The following FXR1 variants were observed in gnomAD, a reference collection of about 807,000 sequenced individuals.
FXR1 encodes RNA-binding protein FXR1.
FXR1 carries 15 observed loss-of-function variants against 84.0 expected under a neutral mutation model. The ratio of observed to expected loss-of-function variants is 0.18; its 90% CI spans 0.12 to 0.27. The LOEUF (loss-of-function observed/expected upper bound fraction) is 0.27. Ranked by LOEUF, FXR1 falls within the 10% of genes least tolerant of loss-of-function variation. The pLI is 1.00. For missense variants in FXR1, 480 were observed against 774.4 expected (o/e 0.62, Z 4.51); for synonymous variants, 245 against 250.7 (o/e 0.98, Z 0.21).
At chr3:180,949,397 G>T in intron 7 of FXR1, 54 bp downstream of exon 7, 1 of 886,116 alleles carries the variant, frequency 1.1e-6, no homozygotes, top group Non-Finnish European at 1.9e-6. Context: ...GTTTTTGTTT[G>T]TTTTTTGGAG....
intron 8 of FXR1, among the ~76,000 whole-genome samples, chr3:180,952,913 G>T (rs968714520): frequency 5.4e-5 from 8 of 148,996 alleles, no homozygotes; most frequent in Non-Finnish European, 1.2e-4. Flanking sequence ...GCTCACTGCA[G>T]CCTCCAACCC....
chr3:180,914,710 C>T (rs1717671880), intron 1 of FXR1: 2 of 798,188 alleles, frequency 2.5e-6, no homozygotes, highest in African/African-American at 1.9e-5. Flanking sequence ...TATAATTGAT[C>T]TCTATACATA....
At chr3:180,933,153 T>G in intron 1 of FXR1, 181 bp from the exon 2 acceptor site, 1 of 552,452 alleles carries the variant, frequency 1.8e-6, no homozygotes, top group Non-Finnish European at 3.2e-6. Context: ...TTCAGAGAGG[T>G]TAAGTAACTT....
At position 180,948,441 on chromosome 3, in the gene FXR1, A is replaced by G. The variant is rs1314980548; in HGVS notation, c.365A>G (p.Lys122Arg). 1 of 1,610,440 alleles carries G rather than the reference A, an allele frequency of 6.2e-7. No individual in the cohort carries two copies. Among genetic ancestry groups the G allele is most frequent in the South Asian group, 1.1e-5 (1 of 90,982 alleles). ...CCTGTCAATCAAAATAAAACTGTCA[A>G]AAAAAATACCTTCTTTAAATGCACA... ...LRPVNQNKTVKKNTFFKCTVD... is the reference protein window; with the variant it reads ...LRPVNQNKTVRKNTFFKCTVD... The change falls in exon 5 of 17, where the codon AAA becomes AGA. Residue 122 changes from lysine (K) to arginine (R), a missense_variant. Physicochemically the swap from Lys to Arg is conservative, Grantham distance 26. This residue lies in a region of FXR1 where 136 missense variants were observed against 315.4 expected (regional missense o/e 0.43). Transcript: ENST00000357559.
intron 5 of FXR1, 100 bp from the exon 6 acceptor site, chr3:180,948,621 T>C: frequency 1.0e-6 from 1 of 957,558 alleles, no homozygotes; most frequent in South Asian, 1.5e-5. Flanking sequence ...ACAAAGGTTT[T>C]AGTGGGGCTT....
chr3:180,966,829 A>C (rs950845751), intron 13 of FXR1, among the ~76,000 whole-genome samples: 2 of 152,194 alleles, frequency 1.3e-5, no homozygotes, highest in Non-Finnish European at 2.9e-5. Context: ...ATTTGGTCAT[A>C]TAAGAGGGAA....
chr3:180,960,665 ATGCTGCCCAGGC>A, intron 10 of FXR1, among the ~76,000 whole-genome samples: 1 of 152,084 alleles, frequency 6.6e-6, no homozygotes, highest in Non-Finnish European at 1.5e-5. Flanking sequence ...GGCTTTCTCC[ATGCTGCCCAGGC>A]TGGTCTCGAA....
chr3:180,954,769 C>T (rs965577863), intron 9 of FXR1, among the ~76,000 whole-genome samples: 8 of 151,644 alleles, frequency 5.3e-5, no homozygotes, highest in African/African-American at 1.9e-4. Context: ...TATAATGCGG[C>T]CTGTTCTGCC....
intron 10 of FXR1, among the ~76,000 whole-genome samples, chr3:180,958,532 CTCCA>C (rs754946685): frequency 2.0e-5 from 3 of 152,142 alleles, no homozygotes; most frequent in Non-Finnish European, 4.4e-5. Context: ...GAATAATGGC[CTCCA>C]TCCAAGTTGC....
intron 1 of FXR1, among the ~76,000 whole-genome samples, chr3:180,929,451 A>G (rs1034019156): frequency 6.6e-6 from 1 of 152,242 alleles, no homozygotes; most frequent in African/African-American, 2.4e-5. Context: ...CCATTTAATA[A>G]GGATGCCTTG....
At chr3:180,969,792 G>A (rs1007009873) in intron 14 of FXR1, among the ~76,000 whole-genome samples, 6 of 152,120 alleles carry the variant, frequency 3.9e-5, no homozygotes, top group Non-Finnish European at 8.8e-5. Context: ...CTGAATATTT[G>A]TTTCTTTTCA....
Position 180,926,506 on chromosome 3 carries a change from A to ATTTTTT in FXR1, c.52-6824_52-6819dup, listed in dbSNP as rs57540765. Among the ~76,000 whole-genome samples, 136 of 124,368 alleles carry ATTTTTT rather than the reference A, an allele frequency of 1.1e-3. 3 individuals carry two copies. Among genetic ancestry groups the ATTTTTT allele is most frequent in the African/African-American group, 3.7e-3 (127 of 34,440 alleles). The allele number at this position is 124,368 out of a possible 152,430, so 81.6% of individuals were successfully genotyped here. A position where few individuals can be genotyped will look rare whatever the true frequency, so the allele number is the denominator to read the frequency against. On this transcript the variant is annotated intron_variant, in intron 1 of 16. Coordinates refer to ENST00000357559, the MANE Select transcript of FXR1 (RefSeq NM_005087.4). ...TATATATATATATATATATATATATATTTTTTTTTCTGGCCTTTTGTTGGC... is the reference window on the plus strand; with the variant it reads ...TATATATATATATATATATATATATATTTTTTTTTTTTTTTCTGGCCTTTTGTTGGC...
At chr3:180,956,957 G>C (rs1257186607) in intron 9 of FXR1, among the ~76,000 whole-genome samples, 1 of 152,158 alleles carries the variant, frequency 6.6e-6, no homozygotes, top group Non-Finnish European at 1.5e-5. Context: ...TGAGGATGTG[G>C]ACTTGATAAC....
At chr3:180,970,789 A>G (rs549285809) in intron 15 of FXR1, 6 of 160,148 alleles carry the variant, frequency 3.7e-5, no homozygotes, top group African/African-American at 1.4e-4. Flanking sequence ...GTATAAACCA[A>G]ACTGTACTAG....
intron 3 of FXR1, 62 bp from the exon 4 acceptor site, chr3:180,947,803 G>T (rs1721851125): frequency 2.4e-6 from 2 of 823,172 alleles, no homozygotes; most frequent in Non-Finnish European, 1.9e-6. Flanking sequence ...TTAATAAAAA[G>T]TCATTTACAG....
chr3:180,918,281 T>G (rs867238594), intron 1 of FXR1, among the ~76,000 whole-genome samples: 1 of 152,150 alleles, frequency 6.6e-6, no homozygotes, highest in African/African-American at 2.4e-5. Flanking sequence ...CCAAGAACTC[T>G]GTGAGGTTGG....
At position 180,975,812 on chromosome 3, in the gene FXR1, A is replaced by G. The variant is rs1392262158; in HGVS notation, c.1696-310A>G. Among the ~76,000 whole-genome samples, 3 of 152,156 alleles carry G rather than the reference A, an allele frequency of 2.0e-5. No individual in the cohort carries two copies. In the East Asian group the frequency reaches 5.8e-4, roughly 29 times the overall value. Reference sequence around the variant, plus strand: ...GAGTAAAGTAGGTGATTATTTGTTTAATATTAACTGTTTATGTCATTTTCA... The same window carrying G: ...GAGTAAAGTAGGTGATTATTTGTTTGATATTAACTGTTTATGTCATTTTCA... On this transcript the variant is annotated intron_variant, in intron 16 of 16. Coordinates refer to ENST00000357559, the MANE Select transcript of FXR1 (RefSeq NM_005087.4).
intron 3 of FXR1, among the ~76,000 whole-genome samples, chr3:180,947,336 T>C (rs540479907): frequency 3.6e-4 from 55 of 152,346 alleles, no homozygotes; most frequent in Non-Finnish European, 6.9e-4. Context: ...TGTGAGCCAC[T>C]GCGTCCGGCC....
chr3:180,926,545 AAAG>A (rs1401887573), intron 1 of FXR1, among the ~76,000 whole-genome samples: 2 of 148,312 alleles, frequency 1.3e-5, no homozygotes, highest in African/African-American at 2.5e-5. Flanking sequence ...AAAAAAGAAA[AAAG>A]GCAGTTTGTT....
Sources: gnomAD v4.1 joint callset for allele counts (sites outside exome capture counted in the v4.1 genomes callset) on GRCh38, gnomAD v4.1.1 for gene constraint, gnomAD v4.1.1 regional missense constraint, MANE v1.5 for transcripts, NCBI Gene and HGNC (gene_info 2026-07-23, HGNC 2026-07-21) for gene names.